The following ATG14 variants were observed in gnomAD, a reference collection of about 807,000 sequenced individuals.
ATG14 encodes autophagy related 14.
In ATG14, 35 loss-of-function variants were observed where a neutral mutation model predicts 60.4. The ratio of observed to expected loss-of-function variants is 0.58; its 90% CI spans 0.44 to 0.77. The LOEUF is 0.77. ATG14 is among the 30% of genes least tolerant of loss of function. ATG14 has a pLI of 0.00. For synonymous variants in ATG14, 234 were observed against 228.8 expected (o/e 1.02, Z -0.21); for missense variants, 647 against 626.3 (o/e 1.03, Z -0.35).
intron 1 of ATG14, among the ~76,000 whole-genome samples, chr14:55,409,330 C>T (rs923324044): frequency 6.6e-6 from 1 of 152,090 alleles, no homozygotes; most frequent in African/African-American, 2.4e-5. Flanking sequence ...TTCCATAAAT[C>T]TTTATTGAGT....
At chr14:55,394,080 C>T (rs1885271302) in intron 3 of ATG14, among the ~76,000 whole-genome samples, 1 of 150,058 alleles carries the variant, frequency 6.7e-6, no homozygotes. Context: ...AATCTCGGCT[C>T]ACTGTGATCT....
intron 7 of ATG14, among the ~76,000 whole-genome samples, chr14:55,379,452 G>A (rs1439466721): frequency 1.3e-5 from 2 of 152,154 alleles, no homozygotes; most frequent in African/African-American, 4.8e-5. Flanking sequence ...TGAGGTGGGA[G>A]GATTGCTTGG....
rs1353560123 is a variant in ATG14, at chr14:55,369,190, A to T, written c.*429T>A. The stretch of plus-strand genomic sequence containing the variant: ...GAGCTTTTATCTTTCATGTCCTAAT[A>T]ATCAAGAATCACCTCTTGTGATTCA... On this transcript the variant is annotated 3_prime_UTR_variant, in exon 10 of 10. Coordinates refer to ENST00000247178, the MANE Select transcript of ATG14 (RefSeq NM_014924.5). 1 of 154,608 alleles carries T rather than the reference A, an allele frequency of 6.5e-6. No homozygotes were observed. 9.6% of individuals were successfully genotyped at this position (154,608 alleles called of 1,614,324 possible). A position where few individuals can be genotyped will look rare whatever the true frequency, so the allele number is the denominator to read the frequency against.
At chr14:55,386,524 G>A (rs1435671844) in intron 4 of ATG14, among the ~76,000 whole-genome samples, 1 of 152,190 alleles carries the variant, frequency 6.6e-6, no homozygotes, top group Non-Finnish European at 1.5e-5. Context: ...AGAGAACCCA[G>A]GGATAATCTC....
chr14:55,369,783 G>A lies in ATG14; in HGVS notation c.1315C>T (p.Pro439Ser). 6.2e-7 allele frequency: 1 copy of A among 1,614,168 alleles called. No individual in the cohort carries two copies. ...TDLGTDWENL[P>S]SPRFCDIPSQ... ...GGGATATCACAAAACCGGGGACTAG[G>A]CAAGTTCTCCCAGTCTGTGCCCAGG... The change falls in exon 10 of 10, where the codon CCT becomes TCT. Residue 439 changes from proline to serine, a missense_variant. Transcript: ENST00000247178.
At chr14:55,372,590 ACTCCTTCCCTTC>A (rs903382881) in intron 9 of ATG14, among the ~76,000 whole-genome samples, 2 of 114,092 alleles carry the variant, frequency 1.8e-5, no homozygotes, top group Non-Finnish European at 3.7e-5. Flanking sequence ...TTTCTTCCTC[ACTCCTTCCCTTC>A]CTCCTTCCCT....
At chr14:55,390,303 T>C (rs1396111267) in intron 4 of ATG14, among the ~76,000 whole-genome samples, 1 of 152,214 alleles carries the variant, frequency 6.6e-6, no homozygotes, top group South Asian at 2.1e-4. Flanking sequence ...ACTCCTGACC[T>C]CAGGTGATCC....
chr14:55,390,620 C>T (rs1048337871), intron 4 of ATG14, among the ~76,000 whole-genome samples: 1 of 152,192 alleles, frequency 6.6e-6, no homozygotes, highest in African/African-American at 2.4e-5. Flanking sequence ...ATCCGCCTGC[C>T]TCAGCCTCCC....
intron 4 of ATG14, among the ~76,000 whole-genome samples, chr14:55,388,841 C>G (rs1346332996): frequency 6.6e-6 from 1 of 152,164 alleles, no homozygotes; most frequent in African/African-American, 2.4e-5. Flanking sequence ...TCAGAACCAC[C>G]TGGAGTAGTG....
rs1490672347 is a variant in ATG14, at chr14:55,411,818, G to A, written c.5C>T (p.Ala2Val). Residue 2 changes from alanine to valine, a missense_variant, in exon 1 of 10, where the codon GCG becomes GTG. Coordinates refer to ENST00000247178, the MANE Select transcript of ATG14 (RefSeq NM_014924.5). The part of the protein sequence containing the change: M[A>V]SPSGKGARAL... ...CCGGGCTCCCTTCCCACTGGGAGAC[G>A]CCATGATGGCCTGAGAGGAGAGCCA... The A allele has an allele frequency of 6.3e-7, 1 of 1,590,974 alleles. No homozygotes were observed. Among genetic ancestry groups the A allele is most frequent in the Non-Finnish European group, 8.6e-7 (1 of 1,169,488 alleles).
intron 3 of ATG14, among the ~76,000 whole-genome samples, chr14:55,392,012 T>G (rs1035560617): frequency 1.3e-5 from 2 of 152,198 alleles, no homozygotes; most frequent in African/African-American, 2.4e-5. Flanking sequence ...CCCCAACTTT[T>G]TTGGCACCAG....
chr14:55,381,874 G>A, intron 6 of ATG14, 88 bp downstream of exon 6: 3 of 1,127,726 alleles, frequency 2.7e-6, no homozygotes, highest in Non-Finnish European at 3.9e-6. Context: ...CCCCTGAATG[G>A]TTCACTTGAA....
chr14:55,392,751 CA>C (rs537766921), intron 3 of ATG14, among the ~76,000 whole-genome samples: 35 of 151,912 alleles, frequency 2.3e-4, no homozygotes, highest in South Asian at 1.0e-3. Context: ...AAACAATGCT[CA>C]AATGTTCATG....
At chr14:55,372,411 C>A (rs1884839471) in intron 9 of ATG14, among the ~76,000 whole-genome samples, 1 of 152,074 alleles carries the variant, frequency 6.6e-6, no homozygotes, top group Admixed American at 6.6e-5. Flanking sequence ...ACCAAAGATG[C>A]TCTGATTCTG....
At chr14:55,400,730 C>T (rs1885383614) in intron 1 of ATG14, among the ~76,000 whole-genome samples, 1 of 152,044 alleles carries the variant, frequency 6.6e-6, no homozygotes, top group Admixed American at 6.6e-5. Context: ...TGGCGAAACT[C>T]TGTCTCTACT....
At chr14:55,374,274 A>G (rs976122370) in intron 9 of ATG14, among the ~76,000 whole-genome samples, 2 of 152,114 alleles carry the variant, frequency 1.3e-5, no homozygotes, top group Non-Finnish European at 2.9e-5. Flanking sequence ...TACAGTGGCT[A>G]TTCACAAAAG....
At chr14:55,398,885 A>G (rs543509546) in intron 1 of ATG14, among the ~76,000 whole-genome samples, 3 of 152,306 alleles carry the variant, frequency 2.0e-5, no homozygotes, top group South Asian at 4.1e-4. Flanking sequence ...CTAACATCAT[A>G]CAACTGACTG....
intron 4 of ATG14, among the ~76,000 whole-genome samples, chr14:55,390,651 G>A (rs142831778): frequency 6.6e-5 from 10 of 152,342 alleles, no homozygotes; most frequent in Admixed American, 1.3e-4. Context: ...GATTACAGGC[G>A]TGAGCTACCA....
chr14:55,403,711 A>C (rs1885447328), intron 1 of ATG14, among the ~76,000 whole-genome samples: 1 of 152,200 alleles, frequency 6.6e-6, no homozygotes, highest in Admixed American at 6.5e-5. Context: ...CCAGCAAAAT[A>C]GTATGTATTG....
Sources: allele counts gnomAD v4.1 joint callset (sites outside exome capture counted in the v4.1 genomes callset), GRCh38; gene constraint gnomAD v4.1.1; transcripts MANE v1.5; gene names NCBI Gene and HGNC (gene_info 2026-07-23, HGNC 2026-07-21).